CSMD1: variants seen among roughly 807,000 people sequenced by gnomAD.
CSMD1 encodes CUB and sushi domain-containing protein 1.
Under a neutral mutation model 417.5 loss-of-function variants are expected in CSMD1, and 213 were observed. The observed-to-expected ratio is 0.51, with a 90% CI of 0.46 to 0.57. The LOEUF is 0.57. Among genes scored for constraint, CSMD1 ranks in the 20% least tolerant of loss-of-function variants. The probability of loss-of-function intolerance (pLI) is 0.00; values close to 1 mark genes in which losing one functional copy is unlikely to be tolerated. For synonymous variants in CSMD1, 2,862 were observed against 1,736.8 expected (o/e 1.65, Z -16.11); for missense variants, 6,923 against 4,529.7 (o/e 1.53, Z -15.17).
At chr8:2,967,076 T>A (rs1037082210) in intron 57 of CSMD1, among the ~76,000 whole-genome samples, 1 of 152,200 alleles carries the variant, frequency 6.6e-6, no homozygotes, top group East Asian at 1.9e-4. Flanking sequence ...TATTTGGGGA[T>A]TGAATGTTTT....
At chr8:3,237,518 T>A (rs1219960654) in intron 26 of CSMD1, among the ~76,000 whole-genome samples, 1 of 147,488 alleles carries the variant, frequency 6.8e-6, no homozygotes, top group Non-Finnish European at 1.5e-5. Flanking sequence ...TATTTTTATA[T>A]TAAATATTAT....
intron 50 of CSMD1, among the ~76,000 whole-genome samples, chr8:3,037,686 G>T (rs1008535103): frequency 6.6e-6 from 1 of 152,100 alleles, no homozygotes; most frequent in African/African-American, 2.4e-5. Context: ...TTGGATTTTT[G>T]CTTTACCCTT....
chr8:3,740,083 AG>A (rs1796717371), intron 6 of CSMD1, among the ~76,000 whole-genome samples: 1 of 152,152 alleles, frequency 6.6e-6, no homozygotes, highest in African/African-American at 2.4e-5. Flanking sequence ...GATGCAACAA[AG>A]GTATTCATTT....
chr8:4,568,187 G>A (rs1249944464), intron 2 of CSMD1, among the ~76,000 whole-genome samples: 6 of 152,152 alleles, frequency 3.9e-5, no homozygotes, highest in Non-Finnish European at 7.3e-5. Flanking sequence ...TGTGCAGAAA[G>A]TGCCAGTTTG....
chr8:3,651,161 C>T (rs1315974885), intron 7 of CSMD1, among the ~76,000 whole-genome samples: 3 of 152,174 alleles, frequency 2.0e-5, no homozygotes, highest in East Asian at 1.9e-4. Flanking sequence ...GGTCTTTGTA[C>T]TTTCCCCTGG....
intron 1 of CSMD1, among the ~76,000 whole-genome samples, chr8:4,795,150 G>A (rs374408975): frequency 2.7e-5 from 4 of 150,224 alleles, no homozygotes; most frequent in East Asian, 2.0e-4. Flanking sequence ...TGGTAAAGAC[G>A]TCTAAGAATG....
intron 2 of CSMD1, among the ~76,000 whole-genome samples, chr8:4,559,003 T>C (rs1441722118): frequency 6.6e-6 from 1 of 152,224 alleles, no homozygotes; most frequent in Non-Finnish European, 1.5e-5. Flanking sequence ...TGTTTCTTGA[T>C]TGTACATTCA....
chr8:4,301,098 T>G (rs567531213), intron 3 of CSMD1, among the ~76,000 whole-genome samples: 8 of 152,266 alleles, frequency 5.3e-5, no homozygotes, highest in African/African-American at 1.9e-4. Context: ...GAGTTCCCAT[T>G]GAAACTCTTG....
chr8:4,069,164 A>T (rs1799414104), intron 3 of CSMD1, among the ~76,000 whole-genome samples: 1 of 152,206 alleles, frequency 6.6e-6, no homozygotes. Context: ...GCAAATATAT[A>T]CTATGATGGG....
At chr8:4,574,723 C>T (rs1799055823) in intron 2 of CSMD1, among the ~76,000 whole-genome samples, 1 of 152,162 alleles carries the variant, frequency 6.6e-6, no homozygotes, top group African/African-American at 2.4e-5. Context: ...CAAAACTAAC[C>T]ATAGACACAC....
At chr8:4,344,833 A>C (rs1473956714) in intron 3 of CSMD1, among the ~76,000 whole-genome samples, 1 of 152,174 alleles carries the variant, frequency 6.6e-6, no homozygotes, top group Non-Finnish European at 1.5e-5. Context: ...ATCTTTAAAA[A>C]GGATCTTTGA....
chr8:3,561,984 C>T (rs1799486051), intron 10 of CSMD1, among the ~76,000 whole-genome samples: 1 of 152,118 alleles, frequency 6.6e-6, no homozygotes, highest in Non-Finnish European at 1.5e-5. Flanking sequence ...CTTGCCTTAT[C>T]TGCTACGTCA....
chr8:4,186,463 G>C (rs1798682341), intron 3 of CSMD1, among the ~76,000 whole-genome samples: 1 of 151,958 alleles, frequency 6.6e-6, no homozygotes, highest in African/African-American at 2.4e-5. Context: ...GTAAAATAAG[G>C]ATGCTAATAA....
chr8:4,848,905 G>T (rs1801305126), intron 1 of CSMD1, among the ~76,000 whole-genome samples: 1 of 152,160 alleles, frequency 6.6e-6, no homozygotes, highest in Non-Finnish European at 1.5e-5. Flanking sequence ...TTACTATATT[G>T]TACTTTTTAT....
intron 10 of CSMD1, among the ~76,000 whole-genome samples, chr8:3,565,455 G>A (rs1023995366): frequency 3.9e-5 from 6 of 152,216 alleles, no homozygotes; most frequent in South Asian, 2.1e-4. Context: ...TCCGTGAATC[G>A]CCTCCTTAAT....
chr8:3,249,604 A>G (rs1470952252), intron 26 of CSMD1, among the ~76,000 whole-genome samples: 3 of 152,162 alleles, frequency 2.0e-5, no homozygotes, highest in Admixed American at 6.5e-5. Context: ...ATAAATACAC[A>G]CACACACATA....
Position 3,173,789 on chromosome 8 carries a change from T to G in CSMD1, c.5725+7321A>C, listed in dbSNP as rs1207959705. Reference sequence around the variant, plus strand: ...GTTCACCAAAATTCCAATTAAGAACTCTCCTCAGTAGTGTTAATGTAATAT... The same window carrying G: ...GTTCACCAAAATTCCAATTAAGAACGCTCCTCAGTAGTGTTAATGTAATAT... On this transcript the variant is annotated intron_variant, in intron 37 of 69. Coordinates refer to ENST00000635120, the MANE Select transcript of CSMD1 (RefSeq NM_033225.6). 2.6e-5 allele frequency among the ~76,000 whole-genome samples: 4 copies of G among 152,162 alleles called. No homozygotes were observed. In the South Asian group the frequency reaches 6.2e-4, roughly 24 times the overall value.
chr8:4,504,310 G>A lies in CSMD1; in HGVS notation c.303-84245C>T, dbSNP rs183732358. 7.2e-4 allele frequency among the ~76,000 whole-genome samples: 110 copies of A among 152,268 alleles called. 1 individual carries two copies. The highest frequency in any genetic ancestry group is 4.3e-3 in the Admixed American group (66 of 15,300). On this transcript the variant is annotated intron_variant, in intron 2 of 69. Transcript: ENST00000635120. The stretch of plus-strand genomic sequence containing the variant: ...CAGAGAAAAGAATGGAGGTTGCCAG[G>A]TGTAGGGAAGAAAGGAAAATGGAGA...
intron 1 of CSMD1, among the ~76,000 whole-genome samples, chr8:4,843,239 G>C (rs974362367): frequency 2.0e-5 from 3 of 152,092 alleles, no homozygotes; most frequent in African/African-American, 4.8e-5. Flanking sequence ...TGTGATTCTA[G>C]GGGAATACGA....
Sources: gnomAD v4.1 joint callset for allele counts (sites outside exome capture counted in the v4.1 genomes callset) on GRCh38, gnomAD v4.1.1 for gene constraint, MANE v1.5 for transcripts, NCBI Gene and HGNC (gene_info 2026-07-23, HGNC 2026-07-21) for gene names.